Variants in WBP1L observed in about 807,000 individuals in gnomAD.
WBP1L encodes WW domain binding protein 1-like.
A neutral mutation model predicts 33.7 loss-of-function variants in WBP1L; 17 were observed. That is an observed-to-expected ratio of 0.50 (90% confidence interval 0.34 to 0.76). The LOEUF is 0.76. WBP1L is among the 30% of genes least tolerant of loss of function. The pLI, the probability that WBP1L is intolerant of heterozygous loss-of-function variation, is 0.01. For synonymous variants in WBP1L, 173 were observed against 190.8 expected (o/e 0.91, Z 0.77); for missense variants, 389 against 469.4 (o/e 0.83, Z 1.58).
intron 1 of WBP1L, among the ~76,000 whole-genome samples, chr10:102,761,531 A>C (rs1037135736): frequency 6.6e-6 from 1 of 151,240 alleles, no homozygotes; most frequent in East Asian, 1.9e-4. Context: ...ATCTTGGCTC[A>C]TTGCAACCTC....
At chr10:102,755,380 C>T (rs1411896061) in intron 1 of WBP1L, among the ~76,000 whole-genome samples, 1 of 151,806 alleles carries the variant, frequency 6.6e-6, no homozygotes, top group Non-Finnish European at 1.5e-5. Context: ...CCTTAGCCTC[C>T]TGAGTAGCTA....
intron 1 of WBP1L, among the ~76,000 whole-genome samples, chr10:102,764,119 T>C (rs963505402): frequency 3.3e-5 from 5 of 152,148 alleles, no homozygotes; most frequent in African/African-American, 7.2e-5. Flanking sequence ...CGGCCTTCTC[T>C]GTATTTTCTT....
At chr10:102,784,556 G>T (rs1305839725) in intron 1 of WBP1L, among the ~76,000 whole-genome samples, 2 of 150,672 alleles carry the variant, frequency 1.3e-5, no homozygotes, top group African/African-American at 2.4e-5. Context: ...CTCCCAAGTA[G>T]CTGGGACTAC....
intron 1 of WBP1L, among the ~76,000 whole-genome samples, chr10:102,777,641 T>G (rs1843284280): frequency 7.6e-6 from 1 of 131,184 alleles, no homozygotes. Flanking sequence ...GTTAGCTCAC[T>G]GCAACTTCTG....
intron 2 of WBP1L, among the ~76,000 whole-genome samples, chr10:102,801,298 C>G (rs1843654719): frequency 6.6e-6 from 1 of 152,174 alleles, no homozygotes; most frequent in Admixed American, 6.5e-5. Flanking sequence ...ATCATTCCAT[C>G]AGTTATTCAT....
At chr10:102,765,256 C>G (rs1009944174) in intron 1 of WBP1L, among the ~76,000 whole-genome samples, 3 of 151,424 alleles carry the variant, frequency 2.0e-5, no homozygotes, top group Non-Finnish European at 4.4e-5. Context: ...TTTTTTTTTC[C>G]AGACAGGATC....
intron 1 of WBP1L, among the ~76,000 whole-genome samples, chr10:102,784,641 G>A (rs1048143820): frequency 6.6e-6 from 1 of 151,880 alleles, no homozygotes; most frequent in Admixed American, 6.6e-5. Context: ...TAGCCAGGAT[G>A]GTCTCGACCT....
chr10:102,810,145 A>AGG, intron 3 of WBP1L, 91 bp downstream of exon 3: 1 of 1,501,360 alleles, frequency 6.7e-7, no homozygotes, highest in Non-Finnish European at 8.9e-7. Context: ...AGGCTCCTGT[A>AGG]GGCATAGGGG....
chr10:102,763,860 C>T (rs1380705396), intron 1 of WBP1L, among the ~76,000 whole-genome samples: 1 of 152,166 alleles, frequency 6.6e-6, no homozygotes. Context: ...GTCATCCAGG[C>T]TGGAGTGCAG....
intron 2 of WBP1L, among the ~76,000 whole-genome samples, chr10:102,798,579 C>T (rs1843605990): frequency 6.6e-6 from 1 of 152,186 alleles, no homozygotes; most frequent in Non-Finnish European, 1.5e-5. Context: ...TGTGCACCAC[C>T]ATGCCCAACT....
chr10:102,759,561 C>T (rs1030600993), intron 1 of WBP1L, among the ~76,000 whole-genome samples: 11 of 152,160 alleles, frequency 7.2e-5, no homozygotes, highest in Non-Finnish European at 1.6e-4. Flanking sequence ...AGATATACTC[C>T]ATTTTATTTA....
intron 2 of WBP1L, among the ~76,000 whole-genome samples, chr10:102,809,127 G>A (rs948519921): frequency 6.6e-6 from 1 of 152,240 alleles, no homozygotes; most frequent in Admixed American, 6.5e-5. Flanking sequence ...ACCCAGGCTG[G>A]AGTGCAATGG....
Position 102,743,961 on chromosome 10 carries a change from AGAAGG to A in WBP1L, c.-88_-84del. 9.9e-7 allele frequency: 1 copy of A among 1,011,548 alleles called. No homozygotes were observed. The highest frequency in any genetic ancestry group is 1.4e-6 in the Non-Finnish European group (1 of 691,558). The allele number at this position is 1,011,548 out of a possible 1,614,324, so 62.7% of individuals were successfully genotyped here. A position where few individuals can be genotyped will look rare whatever the true frequency, so the allele number is the denominator to read the frequency against. On this transcript the variant is annotated 5_prime_UTR_variant, in exon 1 of 4. Transcript: ENST00000448841. ...CGGGAGGGGAGCGTCAAACAGGAAA[AGAAGG>A]GAAGAAGGAAGAAGAGGGTAGAGGA...
intron 1 of WBP1L, among the ~76,000 whole-genome samples, chr10:102,769,012 TCTCA>T (rs1361711841): frequency 6.6e-6 from 1 of 152,054 alleles, no homozygotes; most frequent in African/African-American, 2.4e-5. Flanking sequence ...AGAGAAAAGG[TCTCA>T]CTCTGATACC....
intron 3 of WBP1L, among the ~76,000 whole-genome samples, chr10:102,810,587 A>C (rs1590195367): frequency 2.8e-5 from 1 of 35,420 alleles, no homozygotes; most frequent in Admixed American, 3.5e-4. Flanking sequence ...TTTTTTTGAG[A>C]TGGAGTTTCT....
chr10:102,763,695 A>G (rs1843071716), intron 1 of WBP1L, among the ~76,000 whole-genome samples: 1 of 152,224 alleles, frequency 6.6e-6, no homozygotes, highest in South Asian at 2.1e-4. Flanking sequence ...CCTCCAGTAT[A>G]TTCATCTGGG....
At chr10:102,788,578 G>A (rs1843453512) in intron 1 of WBP1L, among the ~76,000 whole-genome samples, 1 of 152,180 alleles carries the variant, frequency 6.6e-6, no homozygotes, top group Admixed American at 6.5e-5. Context: ...CTGATTCTAA[G>A]TTAAAGTTGT....
chr10:102,798,196 G>T (rs1317121345), intron 2 of WBP1L, 101 bp downstream of exon 2: 2 of 976,164 alleles, frequency 2.0e-6, no homozygotes, highest in East Asian at 2.5e-5. Flanking sequence ...ATTCTCTTGG[G>T]GACAGTGTTG....
Position 102,813,487 on chromosome 10 carries a change from T to C in WBP1L, c.*156T>C, listed in dbSNP as rs1184073982. ...CTCCTCTCCTGCATTTTCCTCCATC[T>C]CCAGGTACAGTTCGGGGTGTGGATG... On this transcript the variant is annotated 3_prime_UTR_variant, in exon 4 of 4. Coordinates refer to ENST00000448841, the MANE Select transcript of WBP1L (RefSeq NM_001083913.2). 3.7e-6 allele frequency: 4 copies of C among 1,070,226 alleles called. No individual in the cohort carries two copies. In the East Asian group the frequency reaches 1.0e-4, roughly 28 times the overall value. The allele number at this position is 1,070,226 out of a possible 1,614,324, so 66.3% of individuals were successfully genotyped here. A position where few individuals can be genotyped will look rare whatever the true frequency, so the allele number is the denominator to read the frequency against.
Sources: allele counts gnomAD v4.1 joint callset (sites outside exome capture counted in the v4.1 genomes callset), GRCh38; gene constraint gnomAD v4.1.1; transcripts MANE v1.5; gene names NCBI Gene and HGNC (gene_info 2026-07-23, HGNC 2026-07-21).